CADM1: variants seen among roughly 807,000 people sequenced by gnomAD.
The protein encoded by CADM1 is TSLC-1.
In CADM1, 15 loss-of-function variants were observed where a neutral mutation model predicts 53.1. That is an observed-to-expected ratio of 0.28 (90% CI 0.19 to 0.44). The LOEUF (loss-of-function observed/expected upper bound fraction) is 0.44. Among genes scored for constraint, CADM1 ranks in the 20% least tolerant of loss-of-function variants. CADM1 has a pLI of 1.00. For missense variants in CADM1, 434 were observed against 611.3 expected, an observed-to-expected ratio of 0.71 and a Z score of 3.06; for synonymous variants, 281 against 243.0, an observed-to-expected ratio of 1.16 and a Z score of -1.45.
At chr11:115,379,532 G>A (rs1468824402) in intron 1 of CADM1, among the ~76,000 whole-genome samples, 1 of 152,128 alleles carries the variant, frequency 6.6e-6, no homozygotes, top group Non-Finnish European at 1.5e-5. Context: ...AAATAAAGAA[G>A]CTCACAATAT....
At chr11:115,272,280 T>C (rs1943320690) in intron 1 of CADM1, among the ~76,000 whole-genome samples, 1 of 152,214 alleles carries the variant, frequency 6.6e-6, no homozygotes, top group Non-Finnish European at 1.5e-5. Flanking sequence ...GCAACATTTC[T>C]CCAAATTGTG....
In CADM1 at chr11:115,468,879, A is replaced by G. The variant is rs1029384071; in HGVS notation, c.124+35392T>C. On this transcript the variant is annotated intron_variant, in intron 1 of 11. Coordinates refer to ENST00000331581, the MANE Select transcript of CADM1 (RefSeq NM_001301043.2). Reference sequence around the variant, plus strand: ...AGGCCTCACAATCATGGCAGAAGGCAAAGGAGGAGCAAAGTTACGTCCTAC... The same window carrying G: ...AGGCCTCACAATCATGGCAGAAGGCGAAGGAGGAGCAAAGTTACGTCCTAC... Among the ~76,000 whole-genome samples the G allele has an allele frequency of 7.9e-5, 12 of 152,348 alleles. No individual in the cohort carries two copies. The South Asian group carries it at 2.1e-3, about 26-fold the overall frequency.
At chr11:115,444,534 A>T (rs997423835) in intron 1 of CADM1, among the ~76,000 whole-genome samples, 2 of 152,306 alleles carry the variant, frequency 1.3e-5, no homozygotes, top group Non-Finnish European at 2.9e-5. Flanking sequence ...GAACAGTGAA[A>T]ATAATGTTGT....
chr11:115,497,569 A>G (rs182672246), intron 1 of CADM1, among the ~76,000 whole-genome samples: 24 of 152,356 alleles, frequency 1.6e-4, no homozygotes, highest in Admixed American at 1.4e-3. Context: ...ATCTTCAAAG[A>G]GAAACTGCCC....
chr11:115,487,679 T>C (rs1255604078), intron 1 of CADM1, among the ~76,000 whole-genome samples: 2 of 152,188 alleles, frequency 1.3e-5, no homozygotes, highest in East Asian at 1.9e-4. Flanking sequence ...AACTGAACAG[T>C]GGTTAAAGAA....
At chr11:115,189,495 C>G (rs1365538127) in intron 10 of CADM1, among the ~76,000 whole-genome samples, 2 of 152,140 alleles carry the variant, frequency 1.3e-5, no homozygotes, top group Non-Finnish European at 2.9e-5. Flanking sequence ...TCAACCAGAA[C>G]TGAGACTGTC....
intron 8 of CADM1, among the ~76,000 whole-genome samples, chr11:115,202,898 C>T (rs59168431): frequency 1.6e-3 from 237 of 149,406 alleles, no homozygotes; most frequent in African/African-American, 5.3e-3. Context: ...CGATCGAAAA[C>T]AAAAATAACT....
intron 1 of CADM1, among the ~76,000 whole-genome samples, chr11:115,464,536 A>G (rs1327269729): frequency 6.6e-6 from 1 of 152,158 alleles, no homozygotes; most frequent in Non-Finnish European, 1.5e-5. Context: ...GCCATTTTTT[A>G]TATTTGTCAA....
In CADM1 at chr11:115,205,488, G is replaced by T. The variant is rs565874599; in HGVS notation, c.1078+4086C>A. Among the ~76,000 whole-genome samples the T allele has an allele frequency of 5.9e-4, 90 of 152,268 alleles. 1 individual carries two copies. The South Asian group carries it at 0.017, about 29-fold the overall frequency. ...CCACCTCCTCCCGCCACCCCAGCAT[G>T]GCATCAGGGTTTTCTTCTATTCTAG... On this transcript the variant is annotated intron_variant, in intron 8 of 11. Coordinates refer to ENST00000331581, the MANE Select transcript of CADM1 (RefSeq NM_001301043.2).
Position 115,334,872 on chromosome 11 carries a change from A to C in CADM1, c.125-94452T>G, listed in dbSNP as rs1945226519. ...TGTTCTTAACAGAAGACTGGCCCCA[A>C]ACCAATGTCAGCCCTTTAGAAATAT... On this transcript the variant is annotated intron_variant, in intron 1 of 11. Coordinates refer to ENST00000331581, the MANE Select transcript of CADM1 (RefSeq NM_001301043.2). Among the ~76,000 whole-genome samples the C allele has an allele frequency of 1.3e-5, 2 of 152,198 alleles. 1 individual carries two copies. Among genetic ancestry groups the C allele is most frequent in the South Asian group, 4.1e-4 (2 of 4,828 alleles).
rs555962362 is a variant in CADM1 at position 115,343,324 on chromosome 11, T to G, written c.125-102904A>C. Among the ~76,000 whole-genome samples the G allele has an allele frequency of 7.9e-5, 12 of 152,224 alleles. No homozygotes were observed. In the East Asian group the frequency reaches 1.5e-3, roughly 20 times the overall value. ...TGTGCCAAAGACTGTTCTAAGTACT[T>G]TACATATCCACCCTCATTTAACCTT... is the stretch of plus-strand genomic sequence containing the variant. On this transcript the variant is annotated intron_variant, in intron 1 of 11. Transcript: ENST00000331581.
chr11:115,256,220 A>C (rs1281593987), intron 1 of CADM1, among the ~76,000 whole-genome samples: 1 of 152,258 alleles, frequency 6.6e-6, no homozygotes, highest in Non-Finnish European at 1.5e-5. Flanking sequence ...TATCTTACCC[A>C]TTACAACAGG....
At chr11:115,491,945 A>C (rs536052313) in intron 1 of CADM1, among the ~76,000 whole-genome samples, 1 of 152,250 alleles carries the variant, frequency 6.6e-6, no homozygotes, top group East Asian at 1.9e-4. Flanking sequence ...TACACCTGTA[A>C]TGGGGTGAGG....
At chr11:115,280,009 C>T (rs1591666374) in intron 1 of CADM1, among the ~76,000 whole-genome samples, 1 of 152,118 alleles carries the variant, frequency 6.6e-6, no homozygotes, top group African/African-American at 2.4e-5. Flanking sequence ...CAGACTTGGC[C>T]GCAATGCATG....
At chr11:115,244,196 A>C (rs1942334475) in intron 1 of CADM1, among the ~76,000 whole-genome samples, 1 of 152,368 alleles carries the variant, frequency 6.6e-6, no homozygotes, top group East Asian at 1.9e-4. Context: ...TTATTGTCTA[A>C]AGAAAGATAA....
At chr11:115,390,016 G>A (rs1028284524) in intron 1 of CADM1, among the ~76,000 whole-genome samples, 2 of 152,138 alleles carry the variant, frequency 1.3e-5, no homozygotes, top group Non-Finnish European at 2.9e-5. Context: ...ACAGTCGTAA[G>A]TGGTACTTAT....
At position 115,178,770 on chromosome 11, in the gene CADM1, G is replaced by T; in HGVS notation, c.1171C>A (p.Arg391=). The T allele has an allele frequency of 1.2e-6, 2 of 1,613,872 alleles. No individual in the cohort carries two copies. The highest frequency in any genetic ancestry group is 2.7e-5 in the African/African-American group (2 of 75,014). Residue 391 remains arginine (R), a synonymous_variant, in exon 11 of 12, where the codon CGA becomes AGA. Coordinates refer to ENST00000331581, the MANE Select transcript of CADM1 (RefSeq NM_001301043.2). ...ELDSEDLSDS[R]AGEEGSIRAV... ...CTGATCGAGCCTTCTTCACCTGCTC[G>T]GGAATCTGTTAAAATCAGAAGAGGA...
intron 1 of CADM1, among the ~76,000 whole-genome samples, chr11:115,493,559 T>C (rs1366399564): frequency 6.6e-6 from 1 of 152,082 alleles, no homozygotes; most frequent in Non-Finnish European, 1.5e-5. Context: ...TTATTAATTA[T>C]AAAGGGACAA....
In CADM1 at chr11:115,355,155, G is replaced by A. The variant is rs981937885; in HGVS notation, c.125-114735C>T. ...CAAGAGAAATCAAGTTCTCATGCACGCATATGTTCACTGCAGCGTTATTCA... is the reference window on the plus strand; with the variant it reads ...CAAGAGAAATCAAGTTCTCATGCACACATATGTTCACTGCAGCGTTATTCA... On this transcript the variant is annotated intron_variant, in intron 1 of 11. Coordinates refer to ENST00000331581, the MANE Select transcript of CADM1 (RefSeq NM_001301043.2). 4.6e-5 allele frequency among the ~76,000 whole-genome samples: 7 copies of A among 152,238 alleles called. No individual in the cohort carries two copies. The South Asian group carries it at 1.0e-3, about 23-fold the overall frequency.
Sources: gnomAD v4.1 joint callset for allele counts (sites outside exome capture counted in the v4.1 genomes callset) on GRCh38, gnomAD v4.1.1 for gene constraint, MANE v1.5 for transcripts, NCBI Gene and HGNC (gene_info 2026-07-23, HGNC 2026-07-21) for gene names.